Variants in ANKRD31 observed in about 807,000 individuals in gnomAD.
The protein encoded by ANKRD31 is ankyrin repeat domain 31, also known as ankyrin repeat domain-containing protein 31.
In ANKRD31, 147 loss-of-function variants were observed where a neutral mutation model predicts 186.0. That is an observed-to-expected ratio of 0.79 (90% CI 0.69 to 0.91). The LOEUF is 0.91. ANKRD31 is among the 40% of genes least tolerant of loss of function. The probability of loss-of-function intolerance (pLI) is 0.00; values close to 1 mark genes in which losing one functional copy is unlikely to be tolerated. For missense variants in ANKRD31, 1,986 were observed against 2,148.8 expected, an observed-to-expected ratio of 0.92 and a Z score of 1.50; for synonymous variants, 673 against 736.4, an observed-to-expected ratio of 0.91 and a Z score of 1.39.
In ANKRD31 at chr5:75,108,200, T is replaced by TA. The variant is rs774410397; in HGVS notation, c.4244-584dup. Among the ~76,000 whole-genome samples, 137 of 152,048 alleles carry TA rather than the reference T, an allele frequency of 9.0e-4. 1 individual carries two copies. Among genetic ancestry groups the TA allele is most frequent in the Non-Finnish European group, 1.5e-3 (105 of 67,892 alleles). On this transcript the variant is annotated intron_variant, in intron 20 of 25. Transcript: ENST00000506364. The stretch of plus-strand genomic sequence containing the variant: ...TATATAATTATACATTATATGCACT[T>TA]AAAAAATAGAATTTTTTAATTCTAA...
intron 25 of ANKRD31, among the ~76,000 whole-genome samples, chr5:75,069,562 T>C (rs1270570223): frequency 2.0e-5 from 3 of 152,076 alleles, no homozygotes; most frequent in Admixed American, 2.0e-4. Context: ...GGTTTTTTTT[T>C]TGAGATGGAG....
intron 11 of ANKRD31, among the ~76,000 whole-genome samples, chr5:75,155,540 T>A (rs780480298): frequency 2.0e-5 from 3 of 152,168 alleles, no homozygotes; most frequent in Non-Finnish European, 2.9e-5. Flanking sequence ...TGTCTTCATA[T>A]TCCCAGAGAC....
intron 11 of ANKRD31, among the ~76,000 whole-genome samples, chr5:75,155,447 C>T (rs1752101278): frequency 6.6e-6 from 1 of 152,142 alleles, no homozygotes; most frequent in African/African-American, 2.4e-5. Context: ...CAATAGTTTA[C>T]TATGTGAACA....
intron 11 of ANKRD31, among the ~76,000 whole-genome samples, chr5:75,164,381 T>C (rs1377460095): frequency 6.6e-6 from 1 of 152,200 alleles, no homozygotes; most frequent in Non-Finnish European, 1.5e-5. Context: ...TTTGTGGTAA[T>C]TTGTTAGGTA....
Position 75,195,854 on chromosome 5 carries a change from G to C in ANKRD31, c.794C>G (p.Pro265Arg), listed in dbSNP as rs185973227. The change falls in exon 7 of 26, where the codon CCT becomes CGT. Residue 265 changes from proline (P) to arginine (R), a missense_variant. Transcript: ENST00000506364. ...ATGACATGCCGACCAGGAATTCAAA[G>C]GTATTGATATGGAACTAAGAGAGTC... ...LSDSLSSISI[P>R]LNSWSACHRD... The C allele has an allele frequency of 2.1e-4, 320 of 1,536,686 alleles. 1 individual carries two copies. In the East Asian group the frequency reaches 2.9e-3, roughly 14 times the overall value.
intron 10 of ANKRD31, among the ~76,000 whole-genome samples, chr5:75,179,623 A>C (rs1216337587): frequency 6.6e-6 from 1 of 152,232 alleles, no homozygotes; most frequent in East Asian, 1.9e-4. Context: ...AACAGAACCA[A>C]AGACAAAAAC....
chr5:75,133,458 GCTAA>G lies in ANKRD31; in HGVS notation c.3876+4394_3876+4397del, dbSNP rs1294120806. ...TAAAGGGATCAATTCAACAAGAAGA[GCTAA>G]CTATCATAAATATATATATGCACCC... On this transcript the variant is annotated intron_variant, in intron 17 of 25. Coordinates refer to ENST00000506364, the MANE Select transcript of ANKRD31 (RefSeq NM_001372053.1). Among the ~76,000 whole-genome samples, 4 of 152,244 alleles carry G rather than the reference GCTAA, an allele frequency of 2.6e-5. No individual in the cohort carries two copies. The East Asian group carries it at 5.8e-4, about 22-fold the overall frequency.
rs534351126 is a variant in ANKRD31, at chr5:75,229,796, C to T, written c.178+766G>A. Among the ~76,000 whole-genome samples the T allele has an allele frequency of 1.4e-3, 178 of 131,008 alleles. 2 individuals are homozygous for T. The highest frequency in any genetic ancestry group is 4.3e-3 in the African/African-American group (156 of 35,896). The allele number at this position is 131,008 out of a possible 152,430, so 85.9% of individuals were successfully genotyped here. A position where few individuals can be genotyped will look rare whatever the true frequency, so the allele number is the denominator to read the frequency against. On this transcript the variant is annotated intron_variant, in intron 2 of 25. Transcript: ENST00000506364. ...AGAAGAATCGCTTGACCTGGGGAGG[C>T]GGAGGTTGCAGTGAGCTGAGATTGT...
At chr5:75,165,479 G>A (rs1306324987) in intron 11 of ANKRD31, among the ~76,000 whole-genome samples, 2 of 152,040 alleles carry the variant, frequency 1.3e-5, no homozygotes, top group Admixed American at 6.6e-5. Context: ...GGTAGAGAAC[G>A]AAAGTTAAGC....
intron 10 of ANKRD31, among the ~76,000 whole-genome samples, chr5:75,176,091 G>A (rs1034139701): frequency 2.6e-5 from 4 of 152,284 alleles, no homozygotes; most frequent in African/African-American, 4.8e-5. Flanking sequence ...ATTATATCCC[G>A]CACATGGCTC....
intron 2 of ANKRD31, among the ~76,000 whole-genome samples, chr5:75,223,073 A>T (rs1757403946): frequency 1.3e-5 from 2 of 152,180 alleles, no homozygotes. Flanking sequence ...GTGTAAAAGC[A>T]TTCCTATTTC....
At chr5:75,219,371 C>T (rs1427003944) in intron 3 of ANKRD31, among the ~76,000 whole-genome samples, 2 of 151,944 alleles carry the variant, frequency 1.3e-5, no homozygotes, top group Non-Finnish European at 2.9e-5. Context: ...CCAAAAGTAA[C>T]ACAGTCCCAT....
At chr5:75,080,803 T>C (rs1376473293) in intron 24 of ANKRD31, among the ~76,000 whole-genome samples, 164 bp from the exon 25 acceptor site, 2 of 152,226 alleles carry the variant, frequency 1.3e-5, no homozygotes, top group African/African-American at 4.8e-5. Context: ...AAAATGGCTC[T>C]TCCTACTTCC....
Position 75,169,050 on chromosome 5 carries a change from C to T in ANKRD31, c.1636G>A (p.Ala546Thr), listed in dbSNP as rs2150188260. 2 of 1,536,790 alleles carry T rather than the reference C, an allele frequency of 1.3e-6. No individual in the cohort carries two copies. The highest frequency in any genetic ancestry group is 3.3e-4 in the Middle Eastern group (2 of 5,988). ...RTASELLKGG[A>T]DVNIKGLYQI... Reference sequence around the variant, plus strand: ...TATAATCCTTTGATATTTACATCTGCTCCACCTTTTAATAGTTCACTTGCT... The same window carrying T: ...TATAATCCTTTGATATTTACATCTGTTCCACCTTTTAATAGTTCACTTGCT... Residue 546 changes from alanine to threonine, a missense_variant, in exon 11 of 26, where the codon GCA becomes ACA. Coordinates refer to ENST00000506364, the MANE Select transcript of ANKRD31 (RefSeq NM_001372053.1).
intron 4 of ANKRD31, among the ~76,000 whole-genome samples, chr5:75,209,186 T>C (rs1303414926): frequency 6.6e-6 from 1 of 152,238 alleles, no homozygotes; most frequent in Non-Finnish European, 1.5e-5. Flanking sequence ...ATGAGTCTTT[T>C]ACCTTTACAT....
At chr5:75,099,331 G>C (rs1197846507) in intron 22 of ANKRD31, among the ~76,000 whole-genome samples, 3 of 152,166 alleles carry the variant, frequency 2.0e-5, no homozygotes, top group African/African-American at 7.2e-5. Context: ...GATTCAGTTT[G>C]CCAGTATTTT....
At chr5:75,123,269 C>T (rs1163667398) in intron 17 of ANKRD31, among the ~76,000 whole-genome samples, 6 of 151,786 alleles carry the variant, frequency 4.0e-5, no homozygotes, top group Non-Finnish European at 7.4e-5. Context: ...AAAAATACAA[C>T]ACGGATGAAA....
At chr5:75,223,246 G>T (rs1181621036) in intron 2 of ANKRD31, among the ~76,000 whole-genome samples, 1 of 151,878 alleles carries the variant, frequency 6.6e-6, no homozygotes, top group African/African-American at 2.4e-5. Context: ...TTTCTTAACT[G>T]CCACTTTTAT....
rs140985114 is a variant in ANKRD31, at chr5:75,222,182, T to C, written c.288+67A>G. 41 of 1,128,110 alleles carry C rather than the reference T, an allele frequency of 3.6e-5. No homozygotes were observed. The East Asian group carries it at 1.1e-3, about 30-fold the overall frequency. 69.9% of individuals were successfully genotyped at this position (1,128,110 alleles called of 1,614,324 possible). A position where few individuals can be genotyped will look rare whatever the true frequency, so the allele number is the denominator to read the frequency against. On this transcript the variant is annotated intron_variant, in intron 3 of 25. Coordinates refer to ENST00000506364, the MANE Select transcript of ANKRD31 (RefSeq NM_001372053.1). ...AGACAAAAAGAATTATCATTAGTAATTTGCCACTCTGAGCGATAGCATTTC... is the reference window on the plus strand; with the variant it reads ...AGACAAAAAGAATTATCATTAGTAACTTGCCACTCTGAGCGATAGCATTTC...
Sources: gnomAD v4.1 joint callset for allele counts (sites outside exome capture counted in the v4.1 genomes callset) on GRCh38, gnomAD v4.1.1 for gene constraint, MANE v1.5 for transcripts, NCBI Gene and HGNC (gene_info 2026-07-23, HGNC 2026-07-21) for gene names.